SNTG1: variants seen among roughly 807,000 people sequenced by gnomAD.
The protein encoded by SNTG1 is gamma-1-syntrophin.
Under a neutral mutation model 74.7 loss-of-function variants are expected in SNTG1, and 39 were observed. The observed-to-expected ratio is 0.52, with a 90% confidence interval of 0.40 to 0.68. The LOEUF (loss-of-function observed/expected upper bound fraction) is 0.68. SNTG1 is among the 30% of genes least tolerant of loss of function. The pLI is 0.00. For missense variants in SNTG1, 685 were observed against 609.5 expected (o/e 1.12, Z -1.30); for synonymous variants, 254 against 217.1 (o/e 1.17, Z -1.49).
chr8:50,354,122 A>G (rs1389895058), intron 2 of SNTG1, among the ~76,000 whole-genome samples: 1 of 152,194 alleles, frequency 6.6e-6, no homozygotes, highest in Non-Finnish European at 1.5e-5. Context: ...CAGAAAGCTC[A>G]GCCAGCCTGT....
chr8:50,265,596 C>T (rs1040811608), intron 2 of SNTG1, among the ~76,000 whole-genome samples: 7 of 151,954 alleles, frequency 4.6e-5, no homozygotes, highest in Non-Finnish European at 8.8e-5. Context: ...CACTTCTATT[C>T]GAATTTGACA....
chr8:50,713,176 T>A, intron 17 of SNTG1, among the ~76,000 whole-genome samples: 1 of 152,194 alleles, frequency 6.6e-6, no homozygotes, highest in East Asian at 1.9e-4. Flanking sequence ...GTTTCCTGAC[T>A]TTTCAATGAT....
intron 2 of SNTG1, among the ~76,000 whole-genome samples, chr8:50,221,136 A>T (rs2085042539): frequency 6.6e-6 from 1 of 152,234 alleles, no homozygotes; most frequent in Non-Finnish European, 1.5e-5. Flanking sequence ...AATTAAAGGA[A>T]ATCTTCTAAG....
At chr8:49,990,894 T>A (rs987071272) in intron 1 of SNTG1, among the ~76,000 whole-genome samples, 1 of 152,118 alleles carries the variant, frequency 6.6e-6, no homozygotes, top group Non-Finnish European at 1.5e-5. Flanking sequence ...GGAAGACTTC[T>A]TAGATATGGC....
chr8:50,786,378 G>A (rs1017453017), intron 18 of SNTG1, among the ~76,000 whole-genome samples: 11 of 151,730 alleles, frequency 7.2e-5, no homozygotes, highest in Admixed American at 3.3e-4. Flanking sequence ...TTAAATAAGG[G>A]GAGCTACATC....
In SNTG1 at chr8:50,182,674, T is replaced by C. The variant is rs374961337; in HGVS notation, c.-28+10039T>C. On this transcript the variant is annotated intron_variant, in intron 2 of 18. Transcript: ENST00000642720. ...TGTACACCAGACATCTCTTAAAAGCTACTTCAGATTCTCTTAATTTCATCT... is the reference window on the plus strand; with the variant it reads ...TGTACACCAGACATCTCTTAAAAGCCACTTCAGATTCTCTTAATTTCATCT... Among the ~76,000 whole-genome samples, 8 of 152,224 alleles carry C rather than the reference T, an allele frequency of 5.3e-5. 1 individual carries two copies. Among genetic ancestry groups the C allele is most frequent in the African/African-American group, 1.9e-4 (8 of 41,550 alleles).
chr8:50,322,851 T>G (rs547059070), intron 2 of SNTG1, among the ~76,000 whole-genome samples: 1 of 152,120 alleles, frequency 6.6e-6, no homozygotes, highest in African/African-American at 2.4e-5. Context: ...GCAAAGTGAC[T>G]CATGCCTGTA....
At chr8:49,934,268 A>G (rs1419143836) in intron 1 of SNTG1, among the ~76,000 whole-genome samples, 2 of 149,130 alleles carry the variant, frequency 1.3e-5, no homozygotes, top group Non-Finnish European at 3.0e-5. Context: ...TCCTGGTCAT[A>G]TATACTATAT....
chr8:49,982,906 A>G (rs1481675685), intron 1 of SNTG1, among the ~76,000 whole-genome samples: 1 of 152,216 alleles, frequency 6.6e-6, no homozygotes, highest in East Asian at 1.9e-4. Flanking sequence ...AAATTGATGT[A>G]ATCCAATTCA....
chr8:50,321,943 A>G (rs927728472), intron 2 of SNTG1, among the ~76,000 whole-genome samples: 10 of 152,072 alleles, frequency 6.6e-5, no homozygotes, highest in African/African-American at 2.4e-4. Context: ...TTCATCTTTT[A>G]GTCTTTCTAC....
intron 2 of SNTG1, among the ~76,000 whole-genome samples, chr8:50,276,775 C>T (rs1335311580): frequency 6.6e-6 from 1 of 152,142 alleles, no homozygotes; most frequent in African/African-American, 2.4e-5. Flanking sequence ...AGCCAGGAAA[C>T]ACAGTGAGAC....
chr8:50,479,463 C>A (rs73676170), intron 8 of SNTG1, among the ~76,000 whole-genome samples: 7,843 of 152,066 alleles, frequency 0.052, 236 homozygotes, highest in Middle Eastern at 0.12. Context: ...TAGTGCCTGT[C>A]TTCTGCTTAC....
chr8:50,545,901 G>A (rs909944339), intron 11 of SNTG1, among the ~76,000 whole-genome samples: 1 of 152,036 alleles, frequency 6.6e-6, no homozygotes, highest in African/African-American at 2.4e-5. Flanking sequence ...TAGCAAATGG[G>A]TCTCTAACAA....
At chr8:49,921,254 G>A (rs1806518645) in intron 1 of SNTG1, among the ~76,000 whole-genome samples, 1 of 152,066 alleles carries the variant, frequency 6.6e-6, no homozygotes, top group South Asian at 2.1e-4. Context: ...CGTAGAAAGT[G>A]TAGGGGAAAG....
chr8:50,764,639 T>C (rs1347239747), intron 18 of SNTG1, among the ~76,000 whole-genome samples: 1 of 151,780 alleles, frequency 6.6e-6, no homozygotes, highest in Non-Finnish European at 1.5e-5. Context: ...TTGGCAAAAA[T>C]GTAGAAAAAA....
intron 11 of SNTG1, among the ~76,000 whole-genome samples, chr8:50,551,207 G>C (rs1169810314): frequency 6.6e-6 from 1 of 152,038 alleles, no homozygotes; most frequent in Non-Finnish European, 1.5e-5. Flanking sequence ...ACTATAAGAG[G>C]TCATATGTAA....
intron 2 of SNTG1, among the ~76,000 whole-genome samples, chr8:50,257,189 C>T (rs188437605): frequency 6.6e-6 from 1 of 152,256 alleles, no homozygotes; most frequent in East Asian, 1.9e-4. Context: ...GCTCCCTTCT[C>T]CCACTGAACA....
intron 1 of SNTG1, among the ~76,000 whole-genome samples, chr8:49,917,436 A>T (rs951816268): frequency 2.6e-5 from 4 of 152,196 alleles, no homozygotes; most frequent in Non-Finnish European, 5.9e-5. Flanking sequence ...AAATGGCATT[A>T]ATGACAAAAA....
At chr8:50,006,707 T>C (rs1815274036) in intron 1 of SNTG1, among the ~76,000 whole-genome samples, 2 of 152,320 alleles carry the variant, frequency 1.3e-5, no homozygotes, top group South Asian at 4.1e-4. Context: ...CTCTGGTCCC[T>C]ACTGATGCTG....
Sources: allele counts gnomAD v4.1 joint callset (sites outside exome capture counted in the v4.1 genomes callset), GRCh38; gene constraint gnomAD v4.1.1; transcripts MANE v1.5; gene names NCBI Gene and HGNC (gene_info 2026-07-23, HGNC 2026-07-21).